The following ARNT2 variants were observed in gnomAD, a reference collection of about 807,000 sequenced individuals.
ARNT2 encodes aryl hydrocarbon receptor nuclear translocator 2.
A neutral mutation model predicts 91.7 loss-of-function variants in ARNT2; 36 were observed. That is an observed-to-expected ratio of 0.39 (90% CI 0.30 to 0.52). ARNT2 has a LOEUF of 0.52. ARNT2 is among the 20% of genes least tolerant of loss of function. The pLI, the probability that ARNT2 is intolerant of heterozygous loss-of-function variation, is 0.72. For missense variants in ARNT2, 775 were observed against 939.3 expected (o/e 0.83, Z 2.29); for synonymous variants, 365 against 347.1 (o/e 1.05, Z -0.57).
In ARNT2 at chr15:80,593,888, TGACCAGGG is replaced by T. The variant is rs1893329838; in HGVS notation, c.*192_*199del. Reference sequence around the variant, plus strand: ...CCTGCAGCCGCGGCTGCTCGGCCACTGACCAGGGGCCCTGGCAGACATTAGGGGATCAG... The same window carrying T: ...CCTGCAGCCGCGGCTGCTCGGCCACTGCCCTGGCAGACATTAGGGGATCAG... On this transcript the variant is annotated 3_prime_UTR_variant, in exon 19 of 19. Coordinates refer to ENST00000303329, the MANE Select transcript of ARNT2 (RefSeq NM_014862.4). 2 of 582,820 alleles carry T rather than the reference TGACCAGGG, an allele frequency of 3.4e-6. No homozygotes were observed. Among genetic ancestry groups the T allele is most frequent in the African/African-American group, 1.9e-5 (1 of 53,546 alleles). 36.1% of individuals were successfully genotyped at this position (582,820 alleles called of 1,614,324 possible). A position where few individuals can be genotyped will look rare whatever the true frequency, so the allele number is the denominator to read the frequency against.
intron 2 of ARNT2, among the ~76,000 whole-genome samples, chr15:80,456,775 A>G (rs1429554512): frequency 1.3e-5 from 2 of 152,154 alleles, no homozygotes; most frequent in Non-Finnish European, 2.9e-5. Context: ...GGTCACCCTT[A>G]CTGGGAGGCC....
rs150964641 is a variant in ARNT2 at position 80,563,151 on chromosome 15, T to C, written c.1228T>C (p.Trp410Arg). Residue 410 changes from tryptophan (W) to arginine (R), a missense_variant, in exon 12 of 19, where the codon TGG becomes CGG. Coordinates refer to ENST00000303329, the MANE Select transcript of ARNT2 (RefSeq NM_014862.4). ...MYRFRTKNREWMLIRTSSFTF... is the reference protein window; with the variant it reads ...MYRFRTKNRERMLIRTSSFTF... ...TCGATTTCGCACCAAGAACCGGGAG[T>C]GGATGTTGATCCGCACCAGCAGCTT... The C allele has an allele frequency of 7.4e-5, 119 of 1,613,610 alleles. No homozygotes were observed. The highest frequency in any genetic ancestry group is 9.7e-5 in the Non-Finnish European group (115 of 1,179,912).
intron 12 of ARNT2, among the ~76,000 whole-genome samples, chr15:80,564,408 C>T (rs1448129076): frequency 6.6e-6 from 1 of 152,136 alleles, no homozygotes; most frequent in Non-Finnish European, 1.5e-5. Flanking sequence ...CACAAAGTAA[C>T]CTTCTTTCCA....
At chr15:80,586,898 G>A (rs1469159003) in intron 17 of ARNT2, among the ~76,000 whole-genome samples, 1 of 151,964 alleles carries the variant, frequency 6.6e-6, no homozygotes, top group Non-Finnish European at 1.5e-5. Flanking sequence ...GAAACGAAAG[G>A]CATAATTCAA....
intron 1 of ARNT2, among the ~76,000 whole-genome samples, chr15:80,435,618 C>CCTCT (rs1338483008): frequency 2.0e-5 from 3 of 152,152 alleles, no homozygotes; most frequent in African/African-American, 7.2e-5. Flanking sequence ...TCCCTCCCTC[C>CCTCT]CTCTGTCCAC....
At chr15:80,528,951 G>A (rs940775044) in intron 8 of ARNT2, among the ~76,000 whole-genome samples, 4 of 152,106 alleles carry the variant, frequency 2.6e-5, no homozygotes, top group African/African-American at 9.7e-5. Flanking sequence ...AAATTCCTTG[G>A]CCACATTACC....
intron 1 of ARNT2, among the ~76,000 whole-genome samples, chr15:80,433,252 A>AT (rs373191282): frequency 4.6e-3 from 314 of 67,940 alleles, no homozygotes; most frequent in East Asian, 9.3e-3. Context: ...ATTTTATTTT[A>AT]TTTTATTTTA....
chr15:80,508,497 A>T (rs1346663924), intron 6 of ARNT2, among the ~76,000 whole-genome samples: 2 of 152,020 alleles, frequency 1.3e-5, no homozygotes, highest in Non-Finnish European at 2.9e-5. Flanking sequence ...TCATTCCTAG[A>T]TTTACACCCT....
At chr15:80,518,956 G>C (rs771967893) in intron 8 of ARNT2, among the ~76,000 whole-genome samples, 1 of 152,132 alleles carries the variant, frequency 6.6e-6, no homozygotes, top group Non-Finnish European at 1.5e-5. Flanking sequence ...GTTTTTCACT[G>C]TGAGAACCTG....
intron 8 of ARNT2, among the ~76,000 whole-genome samples, chr15:80,533,152 C>T (rs1465061675): frequency 6.6e-5 from 10 of 152,170 alleles, no homozygotes; most frequent in Admixed American, 1.3e-4. Context: ...CAGACCAGAG[C>T]ACAGAGCCCA....
chr15:80,405,627 C>T (rs573141338), intron 1 of ARNT2, among the ~76,000 whole-genome samples: 2 of 152,240 alleles, frequency 1.3e-5, no homozygotes, highest in South Asian at 2.1e-4. Flanking sequence ...ACCTTGAAAA[C>T]GGGAATGTTT....
At chr15:80,503,907 G>C (rs1001171501) in intron 5 of ARNT2, among the ~76,000 whole-genome samples, 1 of 152,208 alleles carries the variant, frequency 6.6e-6, no homozygotes, top group Non-Finnish European at 1.5e-5. Flanking sequence ...CAGAGCCCTG[G>C]TCCATGTGAG....
chr15:80,509,470 TA>T (rs775580276), intron 6 of ARNT2, among the ~76,000 whole-genome samples: 141 of 151,704 alleles, frequency 9.3e-4, no homozygotes, highest in Admixed American at 2.1e-3. Context: ...ATAATAATAA[TA>T]ATAATAATAA....
At chr15:80,502,046 T>A (rs1264827765) in intron 5 of ARNT2, among the ~76,000 whole-genome samples, 1 of 152,208 alleles carries the variant, frequency 6.6e-6, no homozygotes, top group Non-Finnish European at 1.5e-5. Flanking sequence ...ATTGTGCAAC[T>A]TGAGCCCAAG....
chr15:80,455,779 C>G (rs1896472980), intron 2 of ARNT2, among the ~76,000 whole-genome samples: 1 of 152,198 alleles, frequency 6.6e-6, no homozygotes, highest in Non-Finnish European at 1.5e-5. Context: ...CTGACAATCA[C>G]ACTCATACCA....
intron 1 of ARNT2, among the ~76,000 whole-genome samples, chr15:80,442,126 C>G (rs1003984743): frequency 2.6e-5 from 4 of 152,100 alleles, no homozygotes; most frequent in Non-Finnish European, 4.4e-5. Flanking sequence ...GGATAAAAGA[C>G]CAGAAATCTC....
At chr15:80,412,763 A>G (rs1040727024) in intron 1 of ARNT2, among the ~76,000 whole-genome samples, 1 of 152,252 alleles carries the variant, frequency 6.6e-6, no homozygotes, top group Non-Finnish European at 1.5e-5. Context: ...ATATGAATAC[A>G]TGATTTTTTC....
intron 11 of ARNT2, chr15:80,556,477 T>C (rs1483729820): frequency 6.6e-6 from 1 of 152,494 alleles, no homozygotes; most frequent in Non-Finnish European, 1.5e-5. Context: ...GGCCAGAATA[T>C]GGGCAGGAGC....
At chr15:80,564,229 C>G (rs1898430653) in intron 12 of ARNT2, among the ~76,000 whole-genome samples, 1 of 152,050 alleles carries the variant, frequency 6.6e-6, no homozygotes, top group Non-Finnish European at 1.5e-5. Flanking sequence ...GTTTCCAACC[C>G]TACCACCTCT....
Sources: gnomAD v4.1 joint callset for allele counts (sites outside exome capture counted in the v4.1 genomes callset) on GRCh38, gnomAD v4.1.1 for gene constraint, MANE v1.5 for transcripts, NCBI Gene and HGNC (gene_info 2026-07-23, HGNC 2026-07-21) for gene names.